Variants in SYT6 observed in about 807,000 individuals in gnomAD.
The protein encoded by SYT6 is synaptotagmin 6.
SYT6 carries 24 observed loss-of-function variants against 38.4 expected under a neutral mutation model. The ratio of observed to expected loss-of-function variants is 0.62; its 90% CI spans 0.45 to 0.88. The LOEUF is 0.88. Among genes scored for constraint, SYT6 ranks in the 40% least tolerant of loss-of-function variants. The probability of loss-of-function intolerance (pLI) is 0.00; values close to 1 mark genes in which losing one functional copy is unlikely to be tolerated. For missense variants in SYT6, 611 were observed against 621.0 expected (o/e 0.98, Z 0.17); for synonymous variants, 265 against 241.9 (o/e 1.10, Z -0.89).
rs753685693 is a variant in SYT6, at chr1:114,137,889, G to T, written c.677C>A (p.Ala226Asp). The T allele has an allele frequency of 1.2e-6, 2 of 1,614,064 alleles. No homozygotes were observed. Among genetic ancestry groups the T allele is most frequent in the South Asian group, 1.1e-5 (1 of 91,030 alleles). The change falls in exon 3 of 8, where the codon GCC becomes GAC. Residue 226 changes from alanine (A) to aspartate (D), a missense_variant. Coordinates refer to ENST00000610222, the MANE Select transcript of SYT6 (RefSeq NM_001253772.2). ...GTTGATCTTCCCGCAGCTCTTGGTG[G>T]CCTCAGACTTGGCATCCTCCCCATC... is the stretch of plus-strand genomic sequence containing the variant. The part of the protein sequence containing the change: ...SVDGEDAKSE[A>D]TKSCGKINFS...
intron 3 of SYT6, 150 bp downstream of exon 3, chr1:114,137,345 G>C (rs1678540280): frequency 8.1e-6 from 7 of 864,766 alleles, no homozygotes; most frequent in Non-Finnish European, 1.2e-5. Flanking sequence ...TGCAAGGGTA[G>C]ACTGGGCCAC....
chr1:114,138,002 T>C lies in SYT6; in HGVS notation c.564A>G (p.Val188=). ...CTGGTGGAAGCTCATTGCCATAGTC[T>C]ACACTGGAGACATGCATCTGCCTTG... The part of the protein sequence containing the change: ...HLPRQMHVSS[V]DYGNELPPAA... Residue 188 remains valine (V), a synonymous_variant, in exon 3 of 8, where the codon GTA becomes GTG. Transcript: ENST00000610222. 6.2e-7 allele frequency: 1 copy of C among 1,613,846 alleles called. No homozygotes were observed. The highest frequency in any genetic ancestry group is 8.5e-7 in the Non-Finnish European group (1 of 1,179,988).
intron 6 of SYT6, among the ~76,000 whole-genome samples, chr1:114,095,763 C>A (rs1009114103): frequency 1.8e-4 from 27 of 152,164 alleles, no homozygotes; most frequent in African/African-American, 6.3e-4. Flanking sequence ...CGGGTTCACG[C>A]CATTCTCCTG....
At chr1:114,115,913 G>A (rs1676965723) in intron 3 of SYT6, among the ~76,000 whole-genome samples, 1 of 152,036 alleles carries the variant, frequency 6.6e-6, no homozygotes, top group Non-Finnish European at 1.5e-5. Flanking sequence ...CTCTGGGACT[G>A]TCCATGCTCC....
intron 2 of SYT6, among the ~76,000 whole-genome samples, chr1:114,139,369 C>T (rs1678706550): frequency 6.6e-6 from 1 of 152,180 alleles, no homozygotes; most frequent in African/African-American, 2.4e-5. Flanking sequence ...CTCACACCCA[C>T]ACACACCCCA....
intron 7 of SYT6, among the ~76,000 whole-genome samples, chr1:114,093,163 G>T (rs1675424627): frequency 6.6e-6 from 1 of 152,154 alleles, no homozygotes. Flanking sequence ...GTCGGGGGAG[G>T]ATGTGGTTCT....
chr1:114,139,948 A>C lies in SYT6; in HGVS notation c.179T>G (p.Leu60Arg). 1 of 1,503,696 alleles carries C rather than the reference A, an allele frequency of 6.7e-7. No homozygotes were observed. The highest frequency in any genetic ancestry group is 1.3e-5 in the South Asian group (1 of 74,146). 93.1% of individuals were successfully genotyped at this position (1,503,696 alleles called of 1,614,324 possible). A position where few individuals can be genotyped will look rare whatever the true frequency, so the allele number is the denominator to read the frequency against. ...ACACACAATAACTACAACTGCGAGG[A>C]GGCTGACAGAGGTGCCTGCCCTCGG... The part of the protein sequence containing the change: ...SAAGAGTSVS[L>R]LAVVVIVCGV... The change falls in exon 2 of 8, where the codon CTC (leucine) becomes CGC (arginine). Residue 60 changes from leucine to arginine, a missense_variant. Leu to Arg is a moderately radical substitution (Grantham distance 102). Transcript: ENST00000610222.
In SYT6 at chr1:114,127,924, G is replaced by A. The variant is rs141749051; in HGVS notation, c.1071+9571C>T. Among the ~76,000 whole-genome samples, 58 of 152,334 alleles carry A rather than the reference G, an allele frequency of 3.8e-4. No homozygotes were observed. The Middle Eastern group carries it at 0.01, about 27-fold the overall frequency. On this transcript the variant is annotated intron_variant, in intron 3 of 7. Transcript: ENST00000610222. ...ACAACCGGGGAGCTGCACAGCTCCC[G>A]TTGAGCAGCAAACACACAAGGGAGC...
At chr1:114,104,824 A>C (rs1422414848) in intron 3 of SYT6, among the ~76,000 whole-genome samples, 1 of 152,044 alleles carries the variant, frequency 6.6e-6, no homozygotes, top group East Asian at 1.9e-4. Context: ...ATTTCAACTT[A>C]AAAAAAATTC....
chr1:114,114,043 G>A (rs577560419), intron 3 of SYT6, among the ~76,000 whole-genome samples: 1 of 152,146 alleles, frequency 6.6e-6, no homozygotes, highest in East Asian at 1.9e-4. Context: ...CTGATTGACC[G>A]TTCTTTCCCC....
In SYT6 at chr1:114,137,639, G is replaced by C; in HGVS notation, c.927C>G (p.Asp309Glu). The C allele has an allele frequency of 1.9e-6, 3 of 1,614,184 alleles. No individual in the cohort carries two copies. The highest frequency in any genetic ancestry group is 2.5e-6 in the Non-Finnish European group (3 of 1,180,028). The change falls in exon 3 of 8, where the codon GAC becomes GAG. Residue 309 changes from aspartate (D) to glutamate (E), a missense_variant. Transcript: ENST00000610222. Reference sequence around the variant, plus strand: ...CGAAGACACTGAGATGCAGCTTGCGGTCAGCCAGCTCCTCATAGGGCACAG... The same window carrying C: ...CGAAGACACTGAGATGCAGCTTGCGCTCAGCCAGCTCCTCATAGGGCACAG... Reference protein sequence around the residue: ...HFPVPYEELADRKLHLSVFDF... With the variant: ...HFPVPYEELAERKLHLSVFDF...
rs532655214 is a variant in SYT6, at chr1:114,102,113, A to G, written c.1192+1488T>C. 2.6e-5 allele frequency among the ~76,000 whole-genome samples: 4 copies of G among 152,220 alleles called. No homozygotes were observed. The East Asian group carries it at 7.7e-4, about 29-fold the overall frequency. ...GGCTTTCTCTCCAGCACATCAATTTAATTACACCAGAGAAGATAGTGTGGG... is the reference window on the plus strand; with the variant it reads ...GGCTTTCTCTCCAGCACATCAATTTGATTACACCAGAGAAGATAGTGTGGG... On this transcript the variant is annotated intron_variant, in intron 4 of 7. Coordinates refer to ENST00000610222, the MANE Select transcript of SYT6 (RefSeq NM_001253772.2).
At chr1:114,138,886 C>T (rs1400221676) in intron 2 of SYT6, among the ~76,000 whole-genome samples, 1 of 152,216 alleles carries the variant, frequency 6.6e-6, no homozygotes, top group Non-Finnish European at 1.5e-5. Context: ...CCAGCATGTT[C>T]ATTCCTGGCC....
intron 1 of SYT6, among the ~76,000 whole-genome samples, chr1:114,148,691 T>TTATC (rs1679282618): frequency 7.5e-6 from 1 of 133,168 alleles, no homozygotes; most frequent in South Asian, 2.2e-4. Flanking sequence ...ATTTATTTAT[T>TTATC]TATTTATTTA....
At chr1:114,132,274 G>A (rs1027362214) in intron 3 of SYT6, among the ~76,000 whole-genome samples, 10 of 152,246 alleles carry the variant, frequency 6.6e-5, no homozygotes, top group Non-Finnish European at 1.5e-4. Context: ...ATGGGAAAAA[G>A]AGGAGGAAGG....
At chr1:114,135,833 G>A (rs74485193) in intron 3 of SYT6, among the ~76,000 whole-genome samples, 6 of 152,210 alleles carry the variant, frequency 3.9e-5, no homozygotes, top group African/African-American at 7.2e-5. Context: ...CAACCTCACT[G>A]TGAGGAGGAC....
chr1:114,091,835 G>T lies in SYT6; in HGVS notation c.*299C>A, dbSNP rs1675317211. On this transcript the variant is annotated 3_prime_UTR_variant, in exon 8 of 8. Coordinates refer to ENST00000610222, the MANE Select transcript of SYT6 (RefSeq NM_001253772.2). Reference sequence around the variant, plus strand: ...TTGGGAGACACAAAAGACTAAGACAGATCTGACCACATGACAAGTGTCTCA... The same window carrying T: ...TTGGGAGACACAAAAGACTAAGACATATCTGACCACATGACAAGTGTCTCA... 1 of 579,100 alleles carries T rather than the reference G, an allele frequency of 1.7e-6. No individual in the cohort carries two copies. The highest frequency in any genetic ancestry group is 2.4e-5 in the South Asian group (1 of 42,090). 35.9% of individuals were successfully genotyped at this position (579,100 alleles called of 1,614,324 possible). A position where few individuals can be genotyped will look rare whatever the true frequency, so the allele number is the denominator to read the frequency against.
intron 3 of SYT6, among the ~76,000 whole-genome samples, chr1:114,129,839 T>G (rs2450159): frequency 0.42 from 17,831 of 42,234 alleles, 2,331 homozygotes; most frequent in African/African-American, 0.57. Context: ...ACCACACCTG[T>G]TTTTTTTTTT....
At chr1:114,096,902 T>C (rs1202963545) in intron 6 of SYT6, among the ~76,000 whole-genome samples, 2 of 152,180 alleles carry the variant, frequency 1.3e-5, no homozygotes, top group East Asian at 3.9e-4. Context: ...GGTTTAAGCC[T>C]TGTTTGGTCA....
Sources: gnomAD v4.1 joint callset for allele counts (sites outside exome capture counted in the v4.1 genomes callset) on GRCh38, gnomAD v4.1.1 for gene constraint, MANE v1.5 for transcripts, NCBI Gene and HGNC (gene_info 2026-07-23, HGNC 2026-07-21) for gene names.